PNISR: variants seen among roughly 807,000 people sequenced by gnomAD.
PNISR encodes PNN interacting serine and arginine rich protein.
Under a neutral mutation model 93.4 loss-of-function variants are expected in PNISR, and 20 were observed. The observed-to-expected ratio is 0.21, with a 90% CI of 0.15 to 0.31. The LOEUF (loss-of-function observed/expected upper bound fraction) is 0.31. PNISR is among the 10% of genes least tolerant of loss of function. PNISR has a pLI of 1.00. For missense variants in PNISR, 893 were observed against 985.4 expected (o/e 0.91, Z 1.25); for synonymous variants, 305 against 306.5 (o/e 0.99, Z 0.05).
rs186134231 is a variant in PNISR, at chr6:99,409,029, T to G, written c.673+144A>C. The stretch of plus-strand genomic sequence containing the variant: ...TCAGACCAGTATCATTTTTGTAATT[T>G]TAAGCTTTATGACCATAAAAAATAA... On this transcript the variant is annotated intron_variant, in intron 6 of 11. Coordinates refer to ENST00000369239, the MANE Select transcript of PNISR (RefSeq NM_032870.4). The G allele has an allele frequency of 3.6e-3, 2,282 of 641,426 alleles. 46 individuals carry two copies. Among genetic ancestry groups the G allele is most frequent in the Non-Finnish European group, 8.7e-4 (326 of 372,992 alleles). 39.7% of individuals were successfully genotyped at this position (641,426 alleles called of 1,614,324 possible).
rs1777699820 is a variant in PNISR, at chr6:99,416,397, C to G, written c.-80G>C. The G allele has an allele frequency of 8.2e-7, 1 of 1,220,840 alleles. No homozygotes were observed. Among genetic ancestry groups the G allele is most frequent in the Non-Finnish European group, 1.0e-6 (1 of 978,252 alleles). 75.6% of individuals were successfully genotyped at this position (1,220,840 alleles called of 1,614,324 possible). A position where few individuals can be genotyped will look rare whatever the true frequency, so the allele number is the denominator to read the frequency against. On this transcript the variant is annotated 5_prime_UTR_variant, in exon 2 of 12. Coordinates refer to ENST00000369239, the MANE Select transcript of PNISR (RefSeq NM_032870.4). ...AAACTTAGGTTGATTCAGACTACAGCTTCGAAGCATAGCAGCAAGATTATG... is the reference window on the plus strand; with the variant it reads ...AAACTTAGGTTGATTCAGACTACAGGTTCGAAGCATAGCAGCAAGATTATG...
In PNISR at chr6:99,400,664, GGA is replaced by G; in HGVS notation, c.2292_2293del (p.Pro765ArgfsTer3). 1 of 1,613,806 alleles carries G rather than the reference GGA, an allele frequency of 6.2e-7. No homozygotes were observed. On this transcript the variant is annotated frameshift_variant, in exon 12 of 12. Transcript: ENST00000369239. LOFTEE classifies it high-confidence loss of function. ...AGCCTTCTTTTCTTTGCTACTTCCT[GGA>G]GACTCAGAACTGCTCCTTCCACTAG...
At chr6:99,407,343 A>AG (rs1056131943) in intron 7 of PNISR, among the ~76,000 whole-genome samples, 3 of 151,836 alleles carry the variant, frequency 2.0e-5, no homozygotes, top group Non-Finnish European at 4.4e-5. Context: ...AAAGACAAAA[A>AG]AAAAAAAAAA....
At position 99,425,235 on chromosome 6, in the gene PNISR, C is replaced by A; in HGVS notation, c.-132G>T. 2 of 1,232,166 alleles carry A rather than the reference C, an allele frequency of 1.6e-6. No homozygotes were observed. Among genetic ancestry groups the A allele is most frequent in the South Asian group, 8.2e-5 (2 of 24,324 alleles). 76.3% of individuals were successfully genotyped at this position (1,232,166 alleles called of 1,614,324 possible). A position where few individuals can be genotyped will look rare whatever the true frequency, so the allele number is the denominator to read the frequency against. ...CTTACCCACTCTAGTTCGGGAACAC[C>A]CTTGTCGCCGCCGTTCCGGTAACAC... On this transcript the variant is annotated 5_prime_UTR_variant, in exon 1 of 12. Coordinates refer to ENST00000369239, the MANE Select transcript of PNISR (RefSeq NM_032870.4).
chr6:99,420,141 C>CAA (rs1472546523), intron 1 of PNISR, among the ~76,000 whole-genome samples: 2 of 152,178 alleles, frequency 1.3e-5, no homozygotes, highest in Non-Finnish European at 2.9e-5. Flanking sequence ...CCTCAGTCCC[C>CAA]AAAGTGCTGG....
In PNISR at chr6:99,418,447, TAA is replaced by T. The variant is rs35015605; in HGVS notation, c.-111-2021_-111-2020del. On this transcript the variant is annotated intron_variant, in intron 1 of 11. Transcript: ENST00000369239. ...CACCGCACCCAGCTGAAGCTTTTAT[TAA>T]AAAAAAAAAAAAAAGTTTTCCTATG... Among the ~76,000 whole-genome samples the T allele has an allele frequency of 7.1e-3, 1,026 of 144,158 alleles. 9 individuals are homozygous for T. The highest frequency in any genetic ancestry group is 0.039 in the South Asian group (174 of 4,490). 94.6% of individuals were successfully genotyped at this position (144,158 alleles called of 152,430 possible).
At chr6:99,412,377 G>A in intron 4 of PNISR, 174 bp downstream of exon 4, 2 of 700,080 alleles carry the variant, frequency 2.9e-6, no homozygotes, top group Non-Finnish European at 5.2e-6. Flanking sequence ...AGCAGAATGA[G>A]TACAGAATAA....
chr6:99,410,604 T>G (rs773032332), intron 5 of PNISR, 137 bp downstream of exon 5: 78 of 573,458 alleles, frequency 1.4e-4, no homozygotes, highest in Non-Finnish European at 9.6e-5. Context: ...ACTCAAAAAT[T>G]GATAACTGAG....
At position 99,425,298 on chromosome 6, in the gene PNISR, C is replaced by T. The variant is rs1779368124; in HGVS notation, c.-195G>A. The T allele has an allele frequency of 8.1e-7, 1 of 1,232,092 alleles. No homozygotes were observed. Among genetic ancestry groups the T allele is most frequent in the Non-Finnish European group, 1.0e-6 (1 of 987,910 alleles). 76.3% of individuals were successfully genotyped at this position (1,232,092 alleles called of 1,614,324 possible). A position where few individuals can be genotyped will look rare whatever the true frequency, so the allele number is the denominator to read the frequency against. On this transcript the variant is annotated 5_prime_UTR_variant, in exon 1 of 12. Transcript: ENST00000369239. ...TTCGATGCTTCTACTTCTTCGGGAA[C>T]AAGACAAGATGGCGCCCGATTTGTC...
In PNISR at chr6:99,408,170, G is replaced by T. The variant is rs768441139; in HGVS notation, c.775C>A (p.Gln259Lys). 6.2e-7 allele frequency: 1 copy of T among 1,613,204 alleles called. No individual in the cohort carries two copies. Among genetic ancestry groups the T allele is most frequent in the South Asian group, 1.1e-5 (1 of 91,042 alleles). Residue 259 changes from glutamine to lysine, a missense_variant, in exon 7 of 12, where the codon CAA (glutamine) becomes AAA (lysine). Physicochemically the swap from Gln to Lys is moderately conservative, Grantham distance 53. Around this residue, in one of 3 missense-constraint regions of PNISR, gnomAD observed 866 missense variants for 935.1 expected, o/e 0.93. Transcript: ENST00000369239. Reference protein sequence around the residue: ...KKLEKERMEQQRSQLSKKEKK... With the variant: ...KKLEKERMEQKRSQLSKKEKK... ...TCTTTTTTGGACAATTGTGAACGTTGTTGTTCCATTCTTTCTTTCTCCAAT... is the reference window on the plus strand; with the variant it reads ...TCTTTTTTGGACAATTGTGAACGTTTTTGTTCCATTCTTTCTTTCTCCAAT...
chr6:99,417,836 C>A (rs923377565), intron 1 of PNISR, among the ~76,000 whole-genome samples: 3 of 151,738 alleles, frequency 2.0e-5, no homozygotes, highest in Admixed American at 2.0e-4. Context: ...GGCGTGGCGG[C>A]GGGCTCCTGT....
chr6:99,401,166 T>G lies in PNISR; in HGVS notation c.1792A>C (p.Asn598His). 2.5e-6 allele frequency: 4 copies of G among 1,614,144 alleles called. No individual in the cohort carries two copies. Among genetic ancestry groups the G allele is most frequent in the Non-Finnish European group, 3.4e-6 (4 of 1,179,996 alleles). The change falls in exon 12 of 12, where the codon AAT (asparagine) becomes CAT (histidine). Residue 598 changes from asparagine (N) to histidine (H), a missense_variant. Physicochemically the swap from Asn to His is moderately conservative, Grantham distance 68. Transcript: ENST00000369239. Reference sequence around the variant, plus strand: ...CTTTCTCTTTCAATGCTATTTCTATTAGATCTCCTTCTATCTCTAATCTTT... The same window carrying G: ...CTTTCTCTTTCAATGCTATTTCTATGAGATCTCCTTCTATCTCTAATCTTT... ...RVKIRDRRRS[N>H]RNSIERERRR... is the part of the protein sequence containing the mutation.
In PNISR at chr6:99,400,432, C is replaced by G; in HGVS notation, c.*108G>C. On this transcript the variant is annotated 3_prime_UTR_variant, in exon 12 of 12. Transcript: ENST00000369239. ...AACATTTAAGACTATGATTATTTAT[C>G]AAGTACCAAACTGAGTTTATTAAAG... 7.1e-7 allele frequency: 1 copy of G among 1,399,576 alleles called. No homozygotes were observed. The highest frequency in any genetic ancestry group is 9.4e-7 in the Non-Finnish European group (1 of 1,067,320). 86.7% of individuals were successfully genotyped at this position (1,399,576 alleles called of 1,614,324 possible).
chr6:99,424,783 A>G (rs1779222743), intron 1 of PNISR: 2 of 157,316 alleles, frequency 1.3e-5, no homozygotes, highest in African/African-American at 4.8e-5. Context: ...GGGTAAGAAC[A>G]CACGAAAAAC....
intron 9 of PNISR, 145 bp downstream of exon 9, chr6:99,404,458 C>A (rs746175532): frequency 1.5e-6 from 1 of 688,002 alleles, no homozygotes; most frequent in East Asian, 2.8e-5. Context: ...ATGGTGTCTA[C>A]GAATCTAATC....
intron 1 of PNISR, among the ~76,000 whole-genome samples, chr6:99,420,320 G>T (rs1007554400): frequency 6.6e-6 from 1 of 152,188 alleles, no homozygotes; most frequent in Admixed American, 6.5e-5. Context: ...CTCTGGTCAT[G>T]AAAACAAAAT....
rs1165179711 is a variant in PNISR at position 99,403,915 on chromosome 6, T to G, written c.1103-33A>C. 5 of 1,552,986 alleles carry G rather than the reference T, an allele frequency of 3.2e-6. 1 individual carries two copies. Among genetic ancestry groups the G allele is most frequent in the Non-Finnish European group, 4.4e-6 (5 of 1,125,648 alleles). On this transcript the variant is annotated intron_variant, in intron 9 of 11. Transcript: ENST00000369239. ...TCACATCAACAACAGGAACAACATG[T>G]TAACACAAATAGCCACGATTTCATA... is the stretch of plus-strand genomic sequence containing the variant.
At chr6:99,421,895 TCA>T (rs1301222871) in intron 1 of PNISR, among the ~76,000 whole-genome samples, 1 of 152,232 alleles carries the variant, frequency 6.6e-6, no homozygotes, top group South Asian at 2.1e-4. Flanking sequence ...TGAGAAATTC[TCA>T]CTCTGTCGCC....
intron 9 of PNISR, chr6:99,404,281 CTG>C: frequency 2.7e-6 from 1 of 374,974 alleles, no homozygotes; most frequent in South Asian, 2.8e-5. Flanking sequence ...TCAAAATAAA[CTG>C]TATCAGAAGT....
Sources: allele counts gnomAD v4.1 joint callset (sites outside exome capture counted in the v4.1 genomes callset), GRCh38; gene constraint gnomAD v4.1.1; regional missense constraint gnomAD v4.1.1; transcripts MANE v1.5; gene names NCBI Gene and HGNC (gene_info 2026-07-23, HGNC 2026-07-21).